RC3H1: variants seen among roughly 807,000 people sequenced by gnomAD.
RC3H1 encodes ring finger and CCCH-type domains 1, also known as roquin-1.
Under a neutral mutation model 138.2 loss-of-function variants are expected in RC3H1, and 50 were observed. The ratio of observed to expected loss-of-function variants is 0.36; its 90% CI spans 0.29 to 0.46. RC3H1 has a LOEUF of 0.46. Ranked by LOEUF, RC3H1 falls within the 20% of genes least tolerant of loss-of-function variation. RC3H1 has a pLI of 1.00. For missense variants in RC3H1, 1,031 were observed against 1,388.1 expected (o/e 0.74, Z 4.09); for synonymous variants, 462 against 489.1 (o/e 0.94, Z 0.73).
At chr1:173,983,377 A>G (rs1252094830) in intron 4 of RC3H1, 41 bp downstream of exon 4, 2 of 1,606,790 alleles carry the variant, frequency 1.2e-6, no homozygotes, top group African/African-American at 2.7e-5. Context: ...TCATACTTTT[A>G]GAATTACCAG....
rs1034853905 is a variant in RC3H1 at position 173,932,243 on chromosome 1, A to G, written c.*6478T>C. 1 of 152,032 alleles carries G rather than the reference A, an allele frequency of 6.6e-6. No individual in the cohort carries two copies. The allele number at this position is 152,032 out of a possible 1,614,324, so 9.4% of individuals were successfully genotyped here. Reference sequence around the variant, plus strand: ...TTAAAAAGTTATTTTTTTAAAAAAAACAAAATAAAACAAAATAAAATCCAC... The same window carrying G: ...TTAAAAAGTTATTTTTTTAAAAAAAGCAAAATAAAACAAAATAAAATCCAC... On this transcript the variant is annotated 3_prime_UTR_variant, in exon 20 of 20. Transcript: ENST00000367696.
At chr1:173,946,340 T>G in intron 17 of RC3H1, 136 bp downstream of exon 17, 3 of 638,094 alleles carry the variant, frequency 4.7e-6, no homozygotes, top group Non-Finnish European at 7.4e-6. Flanking sequence ...ATTGAATTCT[T>G]TGAAGAATAG....
chr1:173,973,467 C>T (rs544785324), intron 7 of RC3H1, among the ~76,000 whole-genome samples: 2 of 148,588 alleles, frequency 1.3e-5, no homozygotes, highest in East Asian at 2.0e-4. Flanking sequence ...ACCCGGGAGG[C>T]GGAGGTTGCA....
At chr1:173,961,659 AAAGT>A in intron 12 of RC3H1, 62 bp downstream of exon 12, 2 of 1,436,200 alleles carry the variant, frequency 1.4e-6, no homozygotes, top group Non-Finnish European at 1.9e-6. Flanking sequence ...CATTGCATAA[AAAGT>A]AAGGAATCAC....
chr1:173,988,499 C>T (rs766100979), intron 2 of RC3H1, among the ~76,000 whole-genome samples: 2 of 152,188 alleles, frequency 1.3e-5, no homozygotes, highest in Admixed American at 6.5e-5. Flanking sequence ...GATATCTCAA[C>T]TGCTTCCATT....
At chr1:173,939,801 C>T (rs969124650) in intron 19 of RC3H1, among the ~76,000 whole-genome samples, 14 of 151,800 alleles carry the variant, frequency 9.2e-5, no homozygotes, top group African/African-American at 3.1e-4. Context: ...TGCCATTGCA[C>T]TCCAGCCTGG....
At chr1:173,964,228 C>A (rs1261964989) in intron 10 of RC3H1, 41 bp from the exon 11 acceptor site, 1 of 1,442,012 alleles carries the variant, frequency 6.9e-7, no homozygotes, top group Non-Finnish European at 9.7e-7. Flanking sequence ...AAAAATACTT[C>A]TCATGTGCAT....
intron 1 of RC3H1, among the ~76,000 whole-genome samples, chr1:174,005,257 G>T (rs1661632786): frequency 6.6e-6 from 1 of 152,154 alleles, no homozygotes; most frequent in Non-Finnish European, 1.5e-5. Context: ...GTCCTAATTT[G>T]AGCTGTCAGA....
chr1:173,978,963 T>C (rs1320261251), intron 6 of RC3H1, among the ~76,000 whole-genome samples: 1 of 152,240 alleles, frequency 6.6e-6, no homozygotes, highest in African/African-American at 2.4e-5. Flanking sequence ...ATTAGTGCTT[T>C]CCTCATCGCT....
intron 1 of RC3H1, among the ~76,000 whole-genome samples, chr1:174,014,311 A>C (rs1204102891): frequency 6.6e-6 from 1 of 152,116 alleles, no homozygotes; most frequent in East Asian, 1.9e-4. Flanking sequence ...GGGACAGTAT[A>C]AATGGGAACT....
intron 1 of RC3H1, among the ~76,000 whole-genome samples, chr1:174,003,008 C>T (rs928793423): frequency 2.0e-5 from 3 of 152,180 alleles, no homozygotes; most frequent in African/African-American, 7.2e-5. Context: ...CAGTTGACTA[C>T]TAAGTCATCC....
At chr1:173,984,052 G>A (rs1327820350) in intron 3 of RC3H1, among the ~76,000 whole-genome samples, 1 of 152,162 alleles carries the variant, frequency 6.6e-6, no homozygotes, top group Admixed American at 6.6e-5. Context: ...AGCCCTTTCT[G>A]TGCAGTAATG....
At chr1:173,988,258 C>A (rs889644911) in intron 2 of RC3H1, among the ~76,000 whole-genome samples, 1 of 152,204 alleles carries the variant, frequency 6.6e-6, no homozygotes, top group Non-Finnish European at 1.5e-5. Flanking sequence ...GAATCCATGG[C>A]AACCACTGAT....
intron 1 of RC3H1, among the ~76,000 whole-genome samples, chr1:174,000,802 C>T (rs187490091): frequency 6.6e-6 from 1 of 152,170 alleles, no homozygotes; most frequent in Admixed American, 6.5e-5. Flanking sequence ...CTAATGAAGG[C>T]CTATTATAAC....
chr1:173,964,744 GT>G (rs10709709), intron 10 of RC3H1, 94 bp downstream of exon 10: 72,455 of 821,284 alleles, frequency 0.088, 185 homozygotes, highest in East Asian at 0.11. Context: ...AATAATCAGG[GT>G]TTTTTTTTTT....
At chr1:173,948,762 T>A (rs1325733544) in intron 14 of RC3H1, among the ~76,000 whole-genome samples, 1 of 151,900 alleles carries the variant, frequency 6.6e-6, no homozygotes, top group African/African-American at 2.4e-5. Context: ...ATTAAAAAAA[T>A]TTTTGAAGAG....
Position 173,937,297 on chromosome 1 carries a change from T to C in RC3H1, c.*1424A>G. The C allele has an allele frequency of 6.7e-6, 1 of 149,354 alleles. No individual in the cohort carries two copies. 9.3% of individuals were successfully genotyped at this position (149,354 alleles called of 1,614,324 possible). ...TTAAGAAAATAAGAAACAAGAAAAA[T>C]ATAAACTCTTGTTTTTACTCAACCA... On this transcript the variant is annotated 3_prime_UTR_variant, in exon 20 of 20. Coordinates refer to ENST00000367696, the MANE Select transcript of RC3H1 (RefSeq NM_172071.4).
chr1:174,008,001 T>C (rs1007745933), intron 1 of RC3H1, among the ~76,000 whole-genome samples: 4 of 152,210 alleles, frequency 2.6e-5, no homozygotes, highest in Non-Finnish European at 4.4e-5. Context: ...AAACAGTGTA[T>C]GCATCACACA....
chr1:173,989,274 C>T (rs1661163541), intron 2 of RC3H1, among the ~76,000 whole-genome samples: 1 of 152,150 alleles, frequency 6.6e-6, no homozygotes, highest in Admixed American at 6.5e-5. Flanking sequence ...AATGATCCAT[C>T]CATCTTGGCC....
Sources: allele counts gnomAD v4.1 joint callset (sites outside exome capture counted in the v4.1 genomes callset), GRCh38; gene constraint gnomAD v4.1.1; transcripts MANE v1.5; gene names NCBI Gene and HGNC (gene_info 2026-07-23, HGNC 2026-07-21).